QKI: variants seen among roughly 807,000 people sequenced by gnomAD.
QKI encodes KH domain-containing RNA-binding protein QKI.
QKI carries 10 observed loss-of-function variants against 39.0 expected under a neutral mutation model. The observed-to-expected ratio is 0.26, with a 90% CI of 0.16 to 0.43. QKI has a LOEUF of 0.43. Among genes scored for constraint, QKI ranks in the 20% least tolerant of loss-of-function variants. The pLI is 1.00. For synonymous variants in QKI, 204 were observed against 155.4 expected (o/e 1.31, Z -2.33); for missense variants, 218 against 428.0 (o/e 0.51, Z 4.33).
chr6:163,543,486 A>G (rs954908365), intron 4 of QKI, among the ~76,000 whole-genome samples: 1 of 152,112 alleles, frequency 6.6e-6, no homozygotes, highest in African/African-American at 2.4e-5. Context: ...GTGTCAGAGC[A>G]GAATTACCAT....
At chr6:163,426,343 G>A (rs930423974) in intron 1 of QKI, among the ~76,000 whole-genome samples, 2 of 151,640 alleles carry the variant, frequency 1.3e-5, no homozygotes, top group South Asian at 4.2e-4. Context: ...TCTAAAGTAG[G>A]TTCAAGAATA....
At chr6:163,470,655 G>A (rs890592809) in intron 2 of QKI, among the ~76,000 whole-genome samples, 1 of 152,078 alleles carries the variant, frequency 6.6e-6, no homozygotes, top group Non-Finnish European at 1.5e-5. Context: ...TATAAGATCT[G>A]TAAGTTTTCA....
chr6:163,454,451 C>G (rs553665371), intron 1 of QKI, among the ~76,000 whole-genome samples: 1 of 152,290 alleles, frequency 6.6e-6, no homozygotes, highest in Non-Finnish European at 1.5e-5. Context: ...CCCTCTTTCC[C>G]TTGAAACTTC....
intron 4 of QKI, among the ~76,000 whole-genome samples, chr6:163,536,452 C>T (rs1253825989): frequency 6.6e-6 from 1 of 152,152 alleles, no homozygotes; most frequent in African/African-American, 2.4e-5. Flanking sequence ...AACTGTCAGG[C>T]TTCCAGACGA....
intron 6 of QKI, chr6:163,564,275 T>G (rs1382611288): frequency 1.2e-5 from 12 of 1,010,458 alleles, no homozygotes; most frequent in Non-Finnish European, 1.2e-5. Flanking sequence ...TCTGGCAGTT[T>G]CATCATTTGG....
At position 163,577,496 on chromosome 6, in the gene QKI, A is replaced by G. The variant is rs1777644592; in HGVS notation, c.*6786A>G. ...ATCAAAGTGTCTAGAAAGCCCAAAC[A>G]TGTATTCTTAACATAGTAGGCACCA... On this transcript the variant is annotated 3_prime_UTR_variant, in exon 8 of 8. Transcript: ENST00000361752. 1.3e-5 allele frequency: 2 copies of G among 152,342 alleles called. No individual in the cohort carries two copies. The highest frequency in any genetic ancestry group is 1.5e-5 in the Non-Finnish European group (1 of 68,002). 9.4% of individuals were successfully genotyped at this position (152,342 alleles called of 1,614,324 possible).
intron 7 of QKI, chr6:163,568,761 A>G (rs1783526503): frequency 2.0e-6 from 2 of 985,152 alleles, no homozygotes; most frequent in Non-Finnish European, 2.4e-6. Flanking sequence ...TGGTTGACCA[A>G]TATCTAGTTC....
rs1201380277 is a variant in QKI, at chr6:163,478,955, G to A, written c.402+59G>A. Reference sequence around the variant, plus strand: ...GAGTAACTTACTATACTTTTACATCGTAATAATAAAATTTCCAGATTTTTT... The same window carrying A: ...GAGTAACTTACTATACTTTTACATCATAATAATAAAATTTCCAGATTTTTT... On this transcript the variant is annotated intron_variant, in intron 3 of 7. Coordinates refer to ENST00000361752, the MANE Select transcript of QKI (RefSeq NM_006775.3). 19 of 1,344,656 alleles carry A rather than the reference G, an allele frequency of 1.4e-5. No individual in the cohort carries two copies. In the East Asian group the frequency reaches 2.1e-4, roughly 15 times the overall value. The allele number at this position is 1,344,656 out of a possible 1,614,324, so 83.3% of individuals were successfully genotyped here. A position where few individuals can be genotyped will look rare whatever the true frequency, so the allele number is the denominator to read the frequency against.
chr6:163,538,918 C>A (rs573791505), intron 4 of QKI, among the ~76,000 whole-genome samples: 2 of 151,968 alleles, frequency 1.3e-5, no homozygotes, highest in African/African-American at 4.8e-5. Context: ...GGAGGAAAGT[C>A]AAAAAATTGG....
intron 2 of QKI, among the ~76,000 whole-genome samples, chr6:163,465,281 T>C (rs1791650464): frequency 6.6e-6 from 1 of 152,052 alleles, no homozygotes; most frequent in Non-Finnish European, 1.5e-5. Context: ...AGAAGACCCT[T>C]GCTACTTCCA....
intron 3 of QKI, among the ~76,000 whole-genome samples, chr6:163,513,516 T>G (rs959390665): frequency 6.6e-6 from 1 of 152,166 alleles, no homozygotes; most frequent in Non-Finnish European, 1.5e-5. Flanking sequence ...ATGGTATACA[T>G]TAAAAGAAAA....
Position 163,535,693 on chromosome 6 carries a change from G to A in QKI, c.546+568G>A, listed in dbSNP as rs889582322. Among the ~76,000 whole-genome samples the A allele has an allele frequency of 3.3e-5, 5 of 152,220 alleles. No homozygotes were observed. The South Asian group carries it at 6.2e-4, about 19-fold the overall frequency. On this transcript the variant is annotated intron_variant, in intron 4 of 7. Coordinates refer to ENST00000361752, the MANE Select transcript of QKI (RefSeq NM_006775.3). ...TGCCTGTAATCCCAGCACTTTGGGA[G>A]GCTGAGGCGGTTGGATCACCTGAGG...
intron 1 of QKI, 32 bp downstream of exon 1, chr6:163,415,367 G>T (rs2128205259): frequency 1.3e-6 from 2 of 1,492,220 alleles, no homozygotes; most frequent in African/African-American, 2.8e-5. Flanking sequence ...GCCCCGGCCC[G>T]ACCCCCGCCG....
At chr6:163,515,190 A>G (rs1318977552) in intron 3 of QKI, among the ~76,000 whole-genome samples, 1 of 152,180 alleles carries the variant, frequency 6.6e-6, no homozygotes, top group Non-Finnish European at 1.5e-5. Flanking sequence ...TAATGAGAAT[A>G]ATGTACCATT....
chr6:163,568,520 G>A (rs915880475), intron 7 of QKI: 13 of 983,930 alleles, frequency 1.3e-5, no homozygotes, highest in Non-Finnish European at 1.6e-5. Flanking sequence ...TAGTAACAGA[G>A]TACTCGTATA....
intron 4 of QKI, among the ~76,000 whole-genome samples, chr6:163,550,333 A>G (rs1782148288): frequency 6.6e-6 from 1 of 152,118 alleles, no homozygotes; most frequent in African/African-American, 2.4e-5. Context: ...GTAATAATCC[A>G]TTAATCCACT....
At chr6:163,439,370 C>T (rs941904832) in intron 1 of QKI, among the ~76,000 whole-genome samples, 5 of 135,114 alleles carry the variant, frequency 3.7e-5, no homozygotes, top group South Asian at 2.3e-4. Context: ...GGGTGGGGGA[C>T]GGAGTCTCAC....
At chr6:163,515,197 C>G (rs1779719615) in intron 3 of QKI, among the ~76,000 whole-genome samples, 1 of 152,004 alleles carries the variant, frequency 6.6e-6, no homozygotes, top group Non-Finnish European at 1.5e-5. Flanking sequence ...AATAATGTAC[C>G]ATTTGATGTC....
chr6:163,430,348 T>C (rs933432102), intron 1 of QKI, among the ~76,000 whole-genome samples: 40 of 152,194 alleles, frequency 2.6e-4, no homozygotes, highest in African/African-American at 9.2e-4. Flanking sequence ...TTTCTTGACT[T>C]TGACTCTCTT....
Sources: gnomAD v4.1 joint callset for allele counts (sites outside exome capture counted in the v4.1 genomes callset) on GRCh38, gnomAD v4.1.1 for gene constraint, MANE v1.5 for transcripts, NCBI Gene and HGNC (gene_info 2026-07-23, HGNC 2026-07-21) for gene names.